GALNT17: variants seen among roughly 807,000 people sequenced by gnomAD.
GALNT17 encodes the protein polypeptide N-acetylgalactosaminyltransferase 17, also known as UDP-GalNAc:polypeptide N-acetylgalactosaminyltransferase-like 3.
GALNT17 carries 29 observed loss-of-function variants against 63.7 expected under a neutral mutation model. That is an observed-to-expected ratio of 0.46 (90% CI 0.34 to 0.62). The LOEUF (loss-of-function observed/expected upper bound fraction) is 0.62, where lower values mean the gene tolerates loss of function less well. Among genes scored for constraint, GALNT17 ranks in the 20% least tolerant of loss-of-function variants. The pLI is 0.01. For missense variants in GALNT17, 603 were observed against 799.6 expected, an observed-to-expected ratio of 0.75 and a Z score of 2.97; for synonymous variants, 305 against 318.3, an observed-to-expected ratio of 0.96 and a Z score of 0.45.
chr7:71,225,655 G>T (rs941140902), intron 1 of GALNT17, among the ~76,000 whole-genome samples: 2 of 152,180 alleles, frequency 1.3e-5, no homozygotes, highest in East Asian at 1.9e-4. Flanking sequence ...CTAAGAAATT[G>T]CATCTTAGGA....
At chr7:71,467,152 T>G (rs1787549463) in intron 5 of GALNT17, among the ~76,000 whole-genome samples, 1 of 152,232 alleles carries the variant, frequency 6.6e-6, no homozygotes, top group Non-Finnish European at 1.5e-5. Context: ...TGACCCCTGC[T>G]TTGTCTTTTC....
chr7:71,292,319 T>C (rs758233706), intron 1 of GALNT17, among the ~76,000 whole-genome samples: 8 of 152,092 alleles, frequency 5.3e-5, no homozygotes, highest in Non-Finnish European at 8.8e-5. Flanking sequence ...CACACCTTGG[T>C]TGGGTGTTCT....
intron 2 of GALNT17, among the ~76,000 whole-genome samples, chr7:71,363,302 T>C (rs1487900025): frequency 6.6e-6 from 1 of 152,188 alleles, no homozygotes; most frequent in Non-Finnish European, 1.5e-5. Flanking sequence ...ATGTACTCAA[T>C]AAGCAATAGT....
chr7:71,484,182 A>T (rs952011896), intron 5 of GALNT17, among the ~76,000 whole-genome samples: 2 of 152,180 alleles, frequency 1.3e-5, no homozygotes, highest in Non-Finnish European at 2.9e-5. Flanking sequence ...GTCTTTTACT[A>T]TGATTGTCAA....
chr7:71,392,945 G>C (rs540624784), intron 3 of GALNT17, among the ~76,000 whole-genome samples: 1 of 152,228 alleles, frequency 6.6e-6, no homozygotes, highest in East Asian at 1.9e-4. Context: ...TATTTAAAAA[G>C]ACCCCCACAC....
chr7:71,173,940 T>C (rs1788590125), intron 1 of GALNT17, among the ~76,000 whole-genome samples: 1 of 152,034 alleles, frequency 6.6e-6, no homozygotes, highest in Non-Finnish European at 1.5e-5. Context: ...AATATATGAG[T>C]GCACTGAATG....
intron 2 of GALNT17, among the ~76,000 whole-genome samples, chr7:71,356,381 G>A (rs1241560522): frequency 1.3e-5 from 2 of 151,598 alleles, no homozygotes; most frequent in Non-Finnish European, 3.0e-5. Context: ...CCTGAGGTTG[G>A]ATAATTTATA....
chr7:71,295,893 C>A (rs1316483697), intron 1 of GALNT17, among the ~76,000 whole-genome samples: 1 of 151,752 alleles, frequency 6.6e-6, no homozygotes, highest in Non-Finnish European at 1.5e-5. Flanking sequence ...CTGTGCCAAG[C>A]AGGAGTCTGC....
intron 5 of GALNT17, among the ~76,000 whole-genome samples, chr7:71,524,725 A>G (rs1788596084): frequency 6.6e-6 from 1 of 152,206 alleles, no homozygotes; most frequent in African/African-American, 2.4e-5. Context: ...GCTGAATTTC[A>G]TCTTCCTGAA....
chr7:71,645,268 A>G (rs556575364), intron 6 of GALNT17, among the ~76,000 whole-genome samples: 22 of 152,288 alleles, frequency 1.4e-4, no homozygotes, highest in Non-Finnish European at 2.4e-4. Flanking sequence ...CTATGTTGCC[A>G]CTCAAATTTC....
chr7:71,207,744 C>A (rs953773890), intron 1 of GALNT17, among the ~76,000 whole-genome samples: 5 of 152,158 alleles, frequency 3.3e-5, no homozygotes, highest in East Asian at 1.9e-4. Context: ...CCTTGTGTGC[C>A]CATTTATGAG....
At chr7:71,491,320 G>A (rs188930175) in intron 5 of GALNT17, among the ~76,000 whole-genome samples, 4 of 152,174 alleles carry the variant, frequency 2.6e-5, no homozygotes, top group Non-Finnish European at 4.4e-5. Context: ...TGACGGGGTA[G>A]GAGTGGTGGT....
intron 7 of GALNT17, 52 bp from the exon 8 acceptor site, chr7:71,669,920 C>T (rs1791042796): frequency 6.2e-7 from 1 of 1,603,744 alleles, no homozygotes; most frequent in Non-Finnish European, 8.5e-7. Flanking sequence ...GTGCCCCACT[C>T]TGGCCAGAGC....
In GALNT17 at chr7:71,356,539, G is replaced by A. The variant is rs555517798; in HGVS notation, c.422+20806G>A. On this transcript the variant is annotated intron_variant, in intron 2 of 10. Coordinates refer to ENST00000333538, the MANE Select transcript of GALNT17 (RefSeq NM_022479.3). ...AGCCTGCAGAGATTGCATGGTGAGA[G>A]TGGAAGGGAGAGAGGGGTGGCAGGT... Among the ~76,000 whole-genome samples, 255 of 152,302 alleles carry A rather than the reference G, an allele frequency of 1.7e-3. 1 individual carries two copies. The highest frequency in any genetic ancestry group is 2.9e-3 in the Non-Finnish European group (200 of 68,030).
chr7:71,309,778 G>A (rs1791380634), intron 1 of GALNT17, among the ~76,000 whole-genome samples: 1 of 152,156 alleles, frequency 6.6e-6, no homozygotes, highest in Non-Finnish European at 1.5e-5. Context: ...GTGATGTTTA[G>A]CGCATTTGCC....
intron 5 of GALNT17, among the ~76,000 whole-genome samples, chr7:71,499,657 A>G (rs1421995915): frequency 6.6e-6 from 1 of 152,188 alleles, no homozygotes; most frequent in Admixed American, 6.5e-5. Flanking sequence ...TCTGGCCTCC[A>G]TCTGCCTGAA....
chr7:71,477,134 TATC>T (rs1165237261), intron 5 of GALNT17, among the ~76,000 whole-genome samples: 6 of 152,310 alleles, frequency 3.9e-5, no homozygotes, highest in Admixed American at 1.3e-4. Context: ...AATAATTAAT[TATC>T]ATCATCATCA....
chr7:71,492,285 A>G (rs1409459236), intron 5 of GALNT17, among the ~76,000 whole-genome samples: 2 of 152,182 alleles, frequency 1.3e-5, no homozygotes, highest in African/African-American at 4.8e-5. Context: ...CTCAAAATAA[A>G]TAAATAAATT....
chr7:71,323,427 C>T (rs1022060570), intron 1 of GALNT17, among the ~76,000 whole-genome samples: 1 of 152,124 alleles, frequency 6.6e-6, no homozygotes. Flanking sequence ...ACTAATTGTC[C>T]TAATACTTAG....
Sources: gnomAD v4.1 joint callset for allele counts (sites outside exome capture counted in the v4.1 genomes callset) on GRCh38, gnomAD v4.1.1 for gene constraint, MANE v1.5 for transcripts, NCBI Gene and HGNC (gene_info 2026-07-23, HGNC 2026-07-21) for gene names.